Variants in CNTN5 observed in about 807,000 individuals in gnomAD.
The protein encoded by CNTN5 is contactin-5.
Under a neutral mutation model 129.1 loss-of-function variants are expected in CNTN5, and 77 were observed. The ratio of observed to expected loss-of-function variants is 0.60; its 90% CI spans 0.50 to 0.72. CNTN5 has a LOEUF of 0.72. CNTN5 is among the 30% of genes least tolerant of loss of function. The pLI is 0.00. For synonymous variants in CNTN5, 509 were observed against 465.6 expected (o/e 1.09, Z -1.20); for missense variants, 1,478 against 1,328.8 (o/e 1.11, Z -1.75).
intron 1 of CNTN5, among the ~76,000 whole-genome samples, chr11:99,045,255 A>G (rs1864160508): frequency 6.6e-6 from 1 of 152,312 alleles, no homozygotes; most frequent in South Asian, 2.1e-4. Context: ...ATTACAAGTA[A>G]AGCATTTATT....
At chr11:99,785,138 G>T (rs1219769520) in intron 3 of CNTN5, among the ~76,000 whole-genome samples, 2 of 151,924 alleles carry the variant, frequency 1.3e-5, no homozygotes, top group Non-Finnish European at 2.9e-5. Context: ...GTTTTGATTT[G>T]CATTTCTCTA....
chr11:99,709,249 G>A (rs995149673), intron 3 of CNTN5, among the ~76,000 whole-genome samples: 39 of 151,540 alleles, frequency 2.6e-4, no homozygotes, highest in African/African-American at 8.7e-4. Flanking sequence ...TTAAATGAAC[G>A]TAAGATTCAG....
intron 13 of CNTN5, among the ~76,000 whole-genome samples, chr11:100,151,858 T>TC (rs1469996334): frequency 6.6e-6 from 1 of 152,192 alleles, no homozygotes; most frequent in Non-Finnish European, 1.5e-5. Flanking sequence ...CCTCTTAGCT[T>TC]CCTGTGTATA....
intron 3 of CNTN5, among the ~76,000 whole-genome samples, chr11:99,772,613 A>C (rs1442939913): frequency 6.6e-6 from 1 of 152,094 alleles, no homozygotes; most frequent in East Asian, 1.9e-4. Flanking sequence ...ATTCTAACCA[A>C]ATCTCAAGAT....
chr11:99,891,853 G>A (rs965140774), intron 6 of CNTN5, among the ~76,000 whole-genome samples: 2 of 152,022 alleles, frequency 1.3e-5, no homozygotes, highest in African/African-American at 2.4e-5. Context: ...CCCAGTAATG[G>A]GATTGCTGGG....
At chr11:99,449,030 G>C (rs969564390) in intron 2 of CNTN5, among the ~76,000 whole-genome samples, 1 of 152,088 alleles carries the variant, frequency 6.6e-6, no homozygotes, top group Middle Eastern at 3.4e-3. Flanking sequence ...CGATTCGCCT[G>C]TCTTGGTCTC....
intron 6 of CNTN5, among the ~76,000 whole-genome samples, chr11:99,851,260 GC>G (rs1177529095): frequency 2.0e-5 from 3 of 152,106 alleles, no homozygotes; most frequent in African/African-American, 7.2e-5. Context: ...AGGTGGAGAA[GC>G]TGTGTTAATG....
At chr11:99,250,504 T>G (rs1862042005) in intron 1 of CNTN5, among the ~76,000 whole-genome samples, 1 of 151,806 alleles carries the variant, frequency 6.6e-6, no homozygotes, top group African/African-American at 2.4e-5. Context: ...TCCACTCTAA[T>G]GAAATCAGCT....
At chr11:99,787,210 A>G (rs1398712453) in intron 3 of CNTN5, among the ~76,000 whole-genome samples, 2 of 151,536 alleles carry the variant, frequency 1.3e-5, no homozygotes, top group South Asian at 2.1e-4. Context: ...GGGAAGAAAT[A>G]CAGAAGAAAA....
In CNTN5 at chr11:99,856,361, G is replaced by A. The variant is rs550309054; in HGVS notation, c.577+11099G>A. On this transcript the variant is annotated intron_variant, in intron 6 of 24. Coordinates refer to ENST00000524871, the MANE Select transcript of CNTN5 (RefSeq NM_014361.4). ...GATGCTGTATGAGTCTGTGTAGAGA[G>A]GCTCAGATTAGATACACCTTATCTT... Among the ~76,000 whole-genome samples the A allele has an allele frequency of 3.0e-3, 454 of 152,158 alleles. 3 individuals carry two copies. The highest frequency in any genetic ancestry group is 4.6e-3 in the Non-Finnish European group (316 of 67,982).
intron 3 of CNTN5, among the ~76,000 whole-genome samples, chr11:99,796,965 T>C (rs941929113): frequency 2.6e-5 from 4 of 152,006 alleles, no homozygotes; most frequent in African/African-American, 9.7e-5. Flanking sequence ...CTCAATTCAC[T>C]CCATCCCTAG....
At chr11:99,260,464 GA>G (rs1351171372) in intron 1 of CNTN5, among the ~76,000 whole-genome samples, 1 of 151,710 alleles carries the variant, frequency 6.6e-6, no homozygotes, top group African/African-American at 2.4e-5. Context: ...TCAATATTAT[GA>G]TAATTTTTAA....
chr11:99,827,309 G>A (rs1440990258), intron 4 of CNTN5, among the ~76,000 whole-genome samples: 4 of 152,086 alleles, frequency 2.6e-5, no homozygotes, highest in Non-Finnish European at 4.4e-5. Context: ...GGCTGGTCTC[G>A]AGCTCCTGAG....
chr11:100,167,195 A>G (rs539598716), intron 13 of CNTN5, among the ~76,000 whole-genome samples: 1 of 151,708 alleles, frequency 6.6e-6, no homozygotes, highest in East Asian at 1.9e-4. Context: ...AAAACAAACA[A>G]AAAAAAATTA....
chr11:99,772,321 A>T (rs1003584640), intron 3 of CNTN5, among the ~76,000 whole-genome samples: 5 of 152,072 alleles, frequency 3.3e-5, no homozygotes, highest in Admixed American at 1.3e-4. Context: ...TTAAGTCCGG[A>T]ATGTATGTAA....
chr11:100,000,060 T>C (rs1167047027), intron 8 of CNTN5, among the ~76,000 whole-genome samples: 1 of 151,580 alleles, frequency 6.6e-6, no homozygotes, highest in East Asian at 1.9e-4. Flanking sequence ...TAATGCTAAA[T>C]GATGAGTTAA....
At chr11:100,350,647 A>G in intron 23 of CNTN5, 55 bp from the exon 24 acceptor site, 1 of 1,323,890 alleles carries the variant, frequency 7.6e-7, no homozygotes, top group Non-Finnish European at 1.1e-6. Flanking sequence ...GTAGGCAGTC[A>G]ATGTGCATTT....
At chr11:99,647,684 AT>A (rs915817222) in intron 3 of CNTN5, among the ~76,000 whole-genome samples, 47 of 151,272 alleles carry the variant, frequency 3.1e-4, no homozygotes, top group Non-Finnish European at 3.5e-4. Context: ...ATTTCTCTTC[AT>A]TTTTTTGTGT....
chr11:99,350,277 A>G (rs750441167), intron 2 of CNTN5, among the ~76,000 whole-genome samples: 1 of 152,188 alleles, frequency 6.6e-6, no homozygotes, highest in Non-Finnish European at 1.5e-5. Context: ...CACCACCTGA[A>G]TGCCTAAAAT....
Sources: allele counts gnomAD v4.1 joint callset (sites outside exome capture counted in the v4.1 genomes callset), GRCh38; gene constraint gnomAD v4.1.1; transcripts MANE v1.5; gene names NCBI Gene and HGNC (gene_info 2026-07-23, HGNC 2026-07-21).